The following GADL1 variants were observed in gnomAD, a reference collection of about 807,000 sequenced individuals.
GADL1 encodes the protein GAD like acidic amino acid decarboxylase 1, also known as acidic amino acid decarboxylase GADL1.
A neutral mutation model predicts 69.5 loss-of-function variants in GADL1; 71 were observed. The ratio of observed to expected loss-of-function variants is 1.02; its 90% CI spans 0.84 to 1.25. The LOEUF (loss-of-function observed/expected upper bound fraction) is 1.25, where lower values mean the gene tolerates loss of function less well. Among genes scored for constraint, GADL1 ranks in the 50% most tolerant of loss-of-function variants. The pLI is 0.00. For missense variants in GADL1, 737 were observed against 631.8 expected, an observed-to-expected ratio of 1.17 and a Z score of -1.79; for synonymous variants, 254 against 214.4, an observed-to-expected ratio of 1.18 and a Z score of -1.62.
intron 14 of GADL1, among the ~76,000 whole-genome samples, chr3:30,762,586 ACATTC>A (rs1696164502): frequency 1.3e-5 from 2 of 152,322 alleles, no homozygotes; most frequent in East Asian, 1.9e-4. Flanking sequence ...AATGAGGTAT[ACATTC>A]CCTCAAGCAT....
rs369175715 is a variant in GADL1 at position 30,813,463 on chromosome 3, A to G, written c.1051-12375T>C. On this transcript the variant is annotated intron_variant, in intron 11 of 14. Transcript: ENST00000282538. ...GCTTTGGAATGAGGCTGGAAGAGCAAATCTTCACCAAGAGCACAATACTTA... is the reference window on the plus strand; with the variant it reads ...GCTTTGGAATGAGGCTGGAAGAGCAGATCTTCACCAAGAGCACAATACTTA... 7.9e-5 allele frequency among the ~76,000 whole-genome samples: 12 copies of G among 152,322 alleles called. No individual in the cohort carries two copies. In the East Asian group the frequency reaches 1.9e-3, roughly 24 times the overall value.
chr3:30,824,391 A>C (rs1575222149), intron 11 of GADL1, among the ~76,000 whole-genome samples: 1 of 151,820 alleles, frequency 6.6e-6, no homozygotes, highest in African/African-American at 2.4e-5. Context: ...AAAATATAAC[A>C]ATATGCTACC....
intron 9 of GADL1, among the ~76,000 whole-genome samples, chr3:30,837,536 A>G (rs919770240): frequency 1.3e-5 from 2 of 152,184 alleles, no homozygotes; most frequent in Non-Finnish European, 2.9e-5. Flanking sequence ...TTCATAAATC[A>G]CAATTTTCTC....
At chr3:30,891,550 T>G (rs1698786895) in intron 1 of GADL1, among the ~76,000 whole-genome samples, 1 of 151,994 alleles carries the variant, frequency 6.6e-6, no homozygotes, top group Non-Finnish European at 1.5e-5. Flanking sequence ...GGCCAGGGAT[T>G]AGGTGTTAGG....
At chr3:30,811,582 T>A (rs1267871701) in intron 11 of GADL1, among the ~76,000 whole-genome samples, 2 of 152,208 alleles carry the variant, frequency 1.3e-5, no homozygotes, top group Non-Finnish European at 2.9e-5. Context: ...AGTGACACAG[T>A]ATCCGCCCTA....
chr3:30,870,286 A>G (rs1366130656), intron 1 of GADL1, among the ~76,000 whole-genome samples: 1 of 151,870 alleles, frequency 6.6e-6, no homozygotes, highest in African/African-American at 2.4e-5. Context: ...TGAACAGAAG[A>G]TATCTGAATT....
chr3:30,814,192 C>G (rs937642460), intron 11 of GADL1, among the ~76,000 whole-genome samples: 1 of 152,120 alleles, frequency 6.6e-6, no homozygotes, highest in Non-Finnish European at 1.5e-5. Flanking sequence ...AATGACTTGT[C>G]AAAGTCACAC....
At chr3:30,767,066 T>C (rs1046267617) in intron 14 of GADL1, among the ~76,000 whole-genome samples, 5 of 152,082 alleles carry the variant, frequency 3.3e-5, no homozygotes, top group Non-Finnish European at 7.4e-5. Flanking sequence ...TTTGGTATAA[T>C]GCTTAAATAC....
At chr3:30,844,138 C>A (rs1252815907) in intron 8 of GADL1, 72 bp downstream of exon 8, 33 of 1,168,406 alleles carry the variant, frequency 2.8e-5, no homozygotes, top group Non-Finnish European at 3.5e-5. Flanking sequence ...GCTATTCCCT[C>A]TCTTTCATAA....
At chr3:30,801,774 A>T (rs1697169942) in intron 11 of GADL1, among the ~76,000 whole-genome samples, 2 of 152,162 alleles carry the variant, frequency 1.3e-5, no homozygotes, top group African/African-American at 4.8e-5. Flanking sequence ...CCTCGACCTC[A>T]AATCATTAAA....
chr3:30,879,102 G>A (rs1228778279), intron 1 of GADL1, among the ~76,000 whole-genome samples: 2 of 151,802 alleles, frequency 1.3e-5, no homozygotes, highest in African/African-American at 2.4e-5. Context: ...TGGTACCTTT[G>A]TCCCTGGGCA....
At chr3:30,851,107 A>T (rs908765443) in intron 4 of GADL1, among the ~76,000 whole-genome samples, 166 bp from the exon 5 acceptor site, 1 of 152,320 alleles carries the variant, frequency 6.6e-6, no homozygotes. Flanking sequence ...CAGTGACAGC[A>T]CTAGTCATGG....
chr3:30,756,786 C>CCTG (rs1375399080), intron 14 of GADL1, among the ~76,000 whole-genome samples: 1 of 152,184 alleles, frequency 6.6e-6, no homozygotes, highest in East Asian at 1.9e-4. Context: ...GAGCTCCCTA[C>CCTG]CTGACCCATA....
intron 1 of GADL1, among the ~76,000 whole-genome samples, chr3:30,880,074 T>A (rs1174560698): frequency 6.6e-6 from 1 of 151,918 alleles, no homozygotes; most frequent in Non-Finnish European, 1.5e-5. Context: ...AGTAATTTTT[T>A]AAATACATTC....
At chr3:30,848,295 G>T (rs77927585) in intron 6 of GADL1, among the ~76,000 whole-genome samples, 1 of 152,138 alleles carries the variant, frequency 6.6e-6, no homozygotes, top group Admixed American at 6.5e-5. Context: ...ATTCCTCCCA[G>T]TTGCCTCCTG....
intron 1 of GADL1, among the ~76,000 whole-genome samples, chr3:30,892,496 G>A (rs973681684): frequency 6.6e-6 from 1 of 152,074 alleles, no homozygotes; most frequent in Non-Finnish European, 1.5e-5. Flanking sequence ...CAAGAATTGT[G>A]GTGTTTTCAG....
chr3:30,752,200 C>T (rs1015342439), intron 14 of GADL1, among the ~76,000 whole-genome samples: 3 of 152,108 alleles, frequency 2.0e-5, no homozygotes, highest in Admixed American at 6.5e-5. Context: ...TCTCAGGTAA[C>T]TTTAGGGTTT....
At chr3:30,867,506 A>G (rs1698422076) in intron 1 of GADL1, among the ~76,000 whole-genome samples, 1 of 150,878 alleles carries the variant, frequency 6.6e-6, no homozygotes, top group African/African-American at 2.4e-5. Flanking sequence ...GCCCTGTTCT[A>G]AAAGTTTTAC....
At chr3:30,877,277 T>C (rs1001813075) in intron 1 of GADL1, among the ~76,000 whole-genome samples, 17 of 151,902 alleles carry the variant, frequency 1.1e-4, no homozygotes, top group African/African-American at 3.4e-4. Flanking sequence ...AAGATTGAAC[T>C]AACACACATG....
Sources: allele counts gnomAD v4.1 joint callset (sites outside exome capture counted in the v4.1 genomes callset), GRCh38; gene constraint gnomAD v4.1.1; transcripts MANE v1.5; gene names NCBI Gene and HGNC (gene_info 2026-07-23, HGNC 2026-07-21).